NUP88: variants seen among roughly 807,000 people sequenced by gnomAD.
NUP88 encodes nuclear pore complex protein Nup88.
Under a neutral mutation model 93.9 loss-of-function variants are expected in NUP88, and 57 were observed. The ratio of observed to expected loss-of-function variants is 0.61; its 90% CI spans 0.49 to 0.76. The LOEUF is 0.76. Ranked by LOEUF, NUP88 falls within the 30% of genes least tolerant of loss-of-function variation. NUP88 has a pLI of 0.00. For synonymous variants in NUP88, 346 were observed against 336.8 expected (o/e 1.03, Z -0.30); for missense variants, 911 against 901.0 (o/e 1.01, Z -0.14).
intron 9 of NUP88, among the ~76,000 whole-genome samples, chr17:5,393,176 C>T (rs1003646819): frequency 7.9e-5 from 12 of 151,758 alleles, no homozygotes; most frequent in South Asian, 2.1e-4. Context: ...AGGCTGGTCT[C>T]GAACTCCTGA....
At chr17:5,407,802 C>T (rs1042223997) in intron 5 of NUP88, among the ~76,000 whole-genome samples, 2 of 152,134 alleles carry the variant, frequency 1.3e-5, no homozygotes, top group African/African-American at 4.8e-5. Flanking sequence ...TCTTATTTAT[C>T]CTTCCTTTGT....
intron 3 of NUP88, among the ~76,000 whole-genome samples, chr17:5,413,749 GAA>G (rs1382992758): frequency 6.6e-5 from 10 of 152,204 alleles, no homozygotes; most frequent in Non-Finnish European, 1.2e-4. Flanking sequence ...TGACAATGAT[GAA>G]AGAGTTTTGG....
At chr17:5,406,020 C>A (rs578035258) in intron 5 of NUP88, among the ~76,000 whole-genome samples, 7 of 152,274 alleles carry the variant, frequency 4.6e-5, no homozygotes, top group African/African-American at 1.7e-4. Flanking sequence ...GGCTTTGGAT[C>A]CCCATATTAA....
chr17:5,410,759 G>C lies in NUP88; in HGVS notation c.624C>G (p.Pro208=). 6.2e-7 allele frequency: 1 copy of C among 1,612,394 alleles called. No homozygotes were observed. Among genetic ancestry groups the C allele is most frequent in the South Asian group, 1.1e-5 (1 of 90,914 alleles). The part of the protein sequence containing the change: ...RIYSLREPQT[P]TNVIILSEAE... ...CTTCTGAAAGTATTATCACGTTAGT[G>C]GGTGTCTGCGGCTCACGTAGTGAGT... Residue 208 remains proline (P), a synonymous_variant, in exon 4 of 17, where the codon CCC becomes CCG. Transcript: ENST00000573584.
At chr17:5,412,200 A>G (rs1001380485) in intron 3 of NUP88, among the ~76,000 whole-genome samples, 3 of 152,226 alleles carry the variant, frequency 2.0e-5, no homozygotes, top group Admixed American at 2.0e-4. Context: ...ATCATAGCAT[A>G]TAAAAGGAAG....
Position 5,387,785 on chromosome 17 carries a change from T to G in NUP88, c.1763A>C (p.Gln588Pro). 1 of 1,612,394 alleles carries G rather than the reference T, an allele frequency of 6.2e-7. No individual in the cohort carries two copies. The highest frequency in any genetic ancestry group is 1.1e-5 in the South Asian group (1 of 90,788). Residue 588 changes from glutamine (Q) to proline (P), a missense_variant, in exon 12 of 17, where the codon CAG becomes CCG. Gln to Pro is a moderately conservative substitution (Grantham distance 76). Coordinates refer to ENST00000573584, the MANE Select transcript of NUP88 (RefSeq NM_002532.6). The stretch of plus-strand genomic sequence containing the variant: ...TGAACACAGGACATCATACCTCCGC[T>G]GAATCTCCTCCTTTGCCAAGTCCTG... ...LKQDLAKEEI[Q>P]RRVKLLCDQK...
intron 16 of NUP88, 140 bp downstream of exon 16, chr17:5,386,568 T>G: frequency 1.4e-6 from 1 of 713,144 alleles, no homozygotes; most frequent in Non-Finnish European, 2.5e-6. Flanking sequence ...TAAGTCCCTA[T>G]GTATCATGTG....
At chr17:5,407,953 C>G (rs1913594153) in intron 5 of NUP88, among the ~76,000 whole-genome samples, 1 of 152,156 alleles carries the variant, frequency 6.6e-6, no homozygotes, top group Non-Finnish European at 1.5e-5. Context: ...TTTTGTCCTT[C>G]TGTTCAGAAA....
At chr17:5,404,031 G>C in intron 7 of NUP88, 68 bp downstream of exon 7, 1 of 1,462,116 alleles carries the variant, frequency 6.8e-7, no homozygotes, top group Non-Finnish European at 9.4e-7. Flanking sequence ...CATTACATAG[G>C]AACAGTCTAT....
rs1375494842 is a variant in NUP88, at chr17:5,385,595, A to C, written c.*611T>G. On this transcript the variant is annotated 3_prime_UTR_variant, in exon 17 of 17. Coordinates refer to ENST00000573584, the MANE Select transcript of NUP88 (RefSeq NM_002532.6). ...CTTTAAGGTGCTAAACTTGCACCTC[A>C]TGTCCACTCAGTAACAAGTATTGGG... is the stretch of plus-strand genomic sequence containing the variant. 8.7e-6 allele frequency: 2 copies of C among 230,886 alleles called. No homozygotes were observed. The highest frequency in any genetic ancestry group is 1.7e-5 in the Non-Finnish European group (2 of 116,656). The allele number at this position is 230,886 out of a possible 1,614,324, so 14.3% of individuals were successfully genotyped here.
At chr17:5,392,800 G>T (rs995352218) in intron 9 of NUP88, among the ~76,000 whole-genome samples, 8 of 152,098 alleles carry the variant, frequency 5.3e-5, no homozygotes, top group Non-Finnish European at 1.0e-4. Context: ...GGATTTTGGG[G>T]TTTTTTTGAG....
At chr17:5,416,746 T>G in intron 1 of NUP88, 64 bp from the exon 2 acceptor site, 6 of 1,307,254 alleles carry the variant, frequency 4.6e-6, no homozygotes, top group Non-Finnish European at 6.3e-6. Context: ...GGCAGTTACT[T>G]GAAATCACAG....
chr17:5,414,592 C>T (rs1230407659), intron 2 of NUP88, among the ~76,000 whole-genome samples: 1 of 152,154 alleles, frequency 6.6e-6, no homozygotes, highest in Non-Finnish European at 1.5e-5. Flanking sequence ...TCTATTCAAT[C>T]AATATCAAAG....
At chr17:5,414,228 T>A in intron 2 of NUP88, 94 bp from the exon 3 acceptor site, 1 of 1,135,718 alleles carries the variant, frequency 8.8e-7, no homozygotes, top group Non-Finnish European at 1.3e-6. Flanking sequence ...GGAGTTTCTC[T>A]CTTGTTGCCC....
chr17:5,416,831 A>ATT, intron 1 of NUP88, 149 bp from the exon 2 acceptor site: 13 of 550,306 alleles, frequency 2.4e-5, no homozygotes, highest in East Asian at 4.2e-5. Flanking sequence ...TTAACTCACA[A>ATT]ATTTTTTTTT....
chr17:5,418,914 A>G (rs553385934), intron 1 of NUP88, among the ~76,000 whole-genome samples: 2 of 152,192 alleles, frequency 1.3e-5, no homozygotes, highest in African/African-American at 4.8e-5. Context: ...GTAAGAATTA[A>G]CAGAGACTTC....
At chr17:5,394,743 G>A (rs921280578) in intron 9 of NUP88, 148 bp downstream of exon 9, 111 of 594,928 alleles carry the variant, frequency 1.9e-4, no homozygotes, top group Middle Eastern at 7.9e-4. Flanking sequence ...TGATGAGCAG[G>A]ACACTCTTAG....
rs560090693 is a variant in NUP88, at chr17:5,386,029, C to T, written c.*177G>A. On this transcript the variant is annotated 3_prime_UTR_variant, in exon 17 of 17. Transcript: ENST00000573584. ...TAGGCTTGAGTTATAAAGCACATTC[C>T]AAATTTTAAATAAAAGCATTTACTC... The T allele has an allele frequency of 5.7e-4, 314 of 553,948 alleles. 6 individuals carry two copies. The South Asian group carries it at 7.5e-3, about 13-fold the overall frequency. 34.3% of individuals were successfully genotyped at this position (553,948 alleles called of 1,614,324 possible). A position where few individuals can be genotyped will look rare whatever the true frequency, so the allele number is the denominator to read the frequency against.
intron 10 of NUP88, among the ~76,000 whole-genome samples, chr17:5,390,916 G>A (rs373790766): frequency 2.6e-5 from 4 of 152,064 alleles, no homozygotes; most frequent in African/African-American, 9.6e-5. Flanking sequence ...GGCTGATCTC[G>A]AACTCTGGGC....
Sources: allele counts gnomAD v4.1 joint callset (sites outside exome capture counted in the v4.1 genomes callset), GRCh38; gene constraint gnomAD v4.1.1; transcripts MANE v1.5; gene names NCBI Gene and HGNC (gene_info 2026-07-23, HGNC 2026-07-21).